Variants in RBFOX1 observed in about 807,000 individuals in gnomAD.
RBFOX1 encodes the protein RNA binding fox-1 homolog 1, also known as RNA binding protein fox-1 homolog 1.
In RBFOX1, 8 loss-of-function variants were observed where a neutral mutation model predicts 57.7. That is an observed-to-expected ratio of 0.14 (90% CI 0.08 to 0.25). The LOEUF (loss-of-function observed/expected upper bound fraction) is 0.25. Ranked by LOEUF, RBFOX1 falls within the 10% of genes least tolerant of loss-of-function variation. The pLI is 1.00. For missense variants in RBFOX1, 611 were observed against 548.5 expected (o/e 1.11, Z -1.14); for synonymous variants, 326 against 222.4 (o/e 1.47, Z -4.15).
intron 4 of RBFOX1, among the ~76,000 whole-genome samples, chr16:7,472,575 C>G (rs2150967666): frequency 6.6e-6 from 1 of 152,312 alleles, no homozygotes; most frequent in South Asian, 2.1e-4. Flanking sequence ...ATAGCGTTTA[C>G]TGTGAAACGA....
chr16:6,898,933 ATG>A (rs775308742), intron 3 of RBFOX1, among the ~76,000 whole-genome samples: 17 of 150,998 alleles, frequency 1.1e-4, no homozygotes, highest in South Asian at 6.3e-4. Context: ...ATATGTGTGT[ATG>A]TGTGTATATG....
At chr16:6,823,151 C>T (rs1341253130) in intron 3 of RBFOX1, among the ~76,000 whole-genome samples, 1 of 152,128 alleles carries the variant, frequency 6.6e-6, no homozygotes, top group Admixed American at 6.5e-5. Flanking sequence ...AAGCCAGGAC[C>T]ATCTCAGCCC....
chr16:6,562,816 CCTTGATT>C (rs375039226), intron 2 of RBFOX1, among the ~76,000 whole-genome samples: 2 of 144,686 alleles, frequency 1.4e-5, no homozygotes, highest in East Asian at 2.1e-4. Context: ...CAACTGCAGG[CCTTGATT>C]CTTGATTCTT....
At chr16:7,260,335 T>C (rs78428356) in intron 4 of RBFOX1, among the ~76,000 whole-genome samples, 74 of 152,338 alleles carry the variant, frequency 4.9e-4, no homozygotes, top group Non-Finnish European at 9.6e-4. Context: ...ATACAGTGTG[T>C]GTTTTGTTAA....
intron 2 of RBFOX1, among the ~76,000 whole-genome samples, chr16:6,417,295 C>CTG (rs2093649967): frequency 1.3e-5 from 2 of 152,060 alleles, no homozygotes; most frequent in Non-Finnish European, 2.9e-5. Context: ...CAGGCGTGAG[C>CTG]CACCATGCCC....
chr16:6,203,001 C>T (rs796965662), intron 1 of RBFOX1, among the ~76,000 whole-genome samples: 46 of 151,918 alleles, frequency 3.0e-4, no homozygotes, highest in African/African-American at 1.0e-3. Flanking sequence ...GTCTTGAAAT[C>T]CTGGGTTCAA....
At chr16:6,931,360 C>T (rs75812490) in intron 3 of RBFOX1, among the ~76,000 whole-genome samples, 2 of 146,576 alleles carry the variant, frequency 1.4e-5, no homozygotes, top group Admixed American at 6.8e-5. Flanking sequence ...CACACACACA[C>T]ACATACATAC....
chr16:6,484,207 G>T (rs1453754102), intron 2 of RBFOX1, among the ~76,000 whole-genome samples: 1 of 152,198 alleles, frequency 6.6e-6, no homozygotes, highest in African/African-American at 2.4e-5. Flanking sequence ...GAGATGCGCG[G>T]CTCTGGAAAT....
intron 3 of RBFOX1, among the ~76,000 whole-genome samples, chr16:5,625,828 G>T (rs1233205471): frequency 6.6e-6 from 1 of 152,046 alleles, no homozygotes; most frequent in Non-Finnish European, 1.5e-5. Context: ...AAAGTACTGG[G>T]ATTACAGGTG....
At chr16:6,473,714 G>T (rs2095228163) in intron 2 of RBFOX1, among the ~76,000 whole-genome samples, 1 of 152,178 alleles carries the variant, frequency 6.6e-6, no homozygotes, top group Admixed American at 6.5e-5. Flanking sequence ...GCAGGCAGAG[G>T]AGTAGGAAAA....
intron 4 of RBFOX1, among the ~76,000 whole-genome samples, chr16:7,253,715 C>T (rs879422622): frequency 1.3e-5 from 2 of 152,142 alleles, no homozygotes; most frequent in Non-Finnish European, 2.9e-5. Context: ...ACTCCATCAC[C>T]ACATAGTATT....
chr16:5,391,887 G>A (rs962644220), intron 1 of RBFOX1, among the ~76,000 whole-genome samples: 20 of 146,558 alleles, frequency 1.4e-4, no homozygotes, highest in African/African-American at 1.8e-4. Context: ...GTGTGTGTGT[G>A]TATACACACA....
intron 3 of RBFOX1, among the ~76,000 whole-genome samples, chr16:6,822,322 CA>C (rs1201769302): frequency 6.6e-6 from 1 of 152,200 alleles, no homozygotes; most frequent in African/African-American, 2.4e-5. Flanking sequence ...GCACATTCTT[CA>C]ATGCCTGTTG....
At chr16:5,827,875 A>G (rs1421899035) in intron 3 of RBFOX1, among the ~76,000 whole-genome samples, 3 of 83,120 alleles carry the variant, frequency 3.6e-5, no homozygotes, top group Non-Finnish European at 6.9e-5. Context: ...GCTTTTGTCC[A>G]TCCATCCATC....
intron 10 of RBFOX1, among the ~76,000 whole-genome samples, chr16:7,629,479 C>A (rs1160483967): frequency 1.3e-5 from 2 of 152,108 alleles, no homozygotes; most frequent in Non-Finnish European, 2.9e-5. Context: ...ACAGGGGAAT[C>A]CAAATCAAAC....
intron 3 of RBFOX1, among the ~76,000 whole-genome samples, chr16:6,816,978 G>A (rs565343027): frequency 8.5e-5 from 13 of 152,100 alleles, no homozygotes; most frequent in South Asian, 2.1e-4. Flanking sequence ...ATACTCCTGT[G>A]CTCAAGCGAT....
intron 7 of RBFOX1, among the ~76,000 whole-genome samples, chr16:7,591,337 A>AT (rs1416295450): frequency 6.6e-6 from 1 of 152,050 alleles, no homozygotes; most frequent in African/African-American, 2.4e-5. Context: ...AGAGGACTGG[A>AT]TTTTTCATCT....
rs1212290202 is a variant in RBFOX1 at position 5,679,031 on chromosome 16, A to G, written c.318+80070A>G. Among the ~76,000 whole-genome samples, 3 of 152,348 alleles carry G rather than the reference A, an allele frequency of 2.0e-5. No homozygotes were observed. The South Asian group carries it at 6.2e-4, about 32-fold the overall frequency. On this transcript the variant is annotated intron_variant, in intron 3 of 19. Coordinates refer to the RBFOX1 transcript ENST00000641259. ...ATGGGATAATTGAACTGTTAGCTGA[A>G]CTGGAATTTAGCAGTTAATCACTTT...
intron 2 of RBFOX1, among the ~76,000 whole-genome samples, chr16:5,548,167 AAAAAAAAATATAT>A (rs1285916635): frequency 0.019 from 1,200 of 62,422 alleles, 39 homozygotes; most frequent in Middle Eastern, 0.062. Flanking sequence ...TTAAAAAAAA[AAAAAAAAATATAT>A]ATATATATAT....
Sources: allele counts gnomAD v4.1 joint callset (sites outside exome capture counted in the v4.1 genomes callset), GRCh38; gene constraint gnomAD v4.1.1; transcripts MANE v1.5; gene names NCBI Gene and HGNC (gene_info 2026-07-23, HGNC 2026-07-21).